The following CPAMD8 variants were observed in gnomAD, a reference collection of about 807,000 sequenced individuals.
CPAMD8 encodes C3 and PZP like alpha-2-macroglobulin domain containing 8.
CPAMD8 carries 146 observed loss-of-function variants against 224.7 expected under a neutral mutation model. The ratio of observed to expected loss-of-function variants is 0.65; its 90% CI spans 0.57 to 0.75. CPAMD8 has a LOEUF of 0.75. Ranked by LOEUF, CPAMD8 falls within the 30% of genes least tolerant of loss-of-function variation. The pLI, the probability that CPAMD8 is intolerant of heterozygous loss-of-function variation, is 0.00. For missense variants in CPAMD8, 2,301 were observed against 2,537.5 expected (o/e 0.91, Z 2.00); for synonymous variants, 966 against 1,044.6 (o/e 0.92, Z 1.45).
intron 19 of CPAMD8, among the ~76,000 whole-genome samples, chr19:16,953,780 T>C (rs1399494256): frequency 6.6e-6 from 1 of 151,564 alleles, no homozygotes; most frequent in Non-Finnish European, 1.5e-5. Flanking sequence ...TGAAACTCAA[T>C]AACAAAAACA....
chr19:16,968,708 A>G lies in CPAMD8; in HGVS notation c.2213+2183T>C, dbSNP rs546690176. On this transcript the variant is annotated intron_variant, in intron 18 of 41. Coordinates refer to ENST00000443236, the MANE Select transcript of CPAMD8 (RefSeq NM_015692.5). ...GGCTGGAGTGCAGTGGCACAATCAC[A>G]GCTCACTGCAGCCTCAACCTTCCCA... 2.6e-5 allele frequency among the ~76,000 whole-genome samples: 4 copies of G among 152,242 alleles called. No homozygotes were observed. The East Asian group carries it at 7.7e-4, about 29-fold the overall frequency.
intron 20 of CPAMD8, among the ~76,000 whole-genome samples, chr19:16,951,043 C>T (rs917219314): frequency 1.3e-5 from 2 of 152,146 alleles, no homozygotes; most frequent in African/African-American, 4.8e-5. Context: ...CTGCACACCT[C>T]TGGCAGACAC....
At chr19:16,956,667 G>A (rs993996948) in intron 19 of CPAMD8, among the ~76,000 whole-genome samples, 1 of 151,726 alleles carries the variant, frequency 6.6e-6, no homozygotes, top group Admixed American at 6.6e-5. Context: ...CCATCTCTAT[G>A]AAATATTTTT....
intron 27 of CPAMD8, among the ~76,000 whole-genome samples, chr19:16,918,396 A>G (rs1468916261): frequency 6.6e-6 from 1 of 152,020 alleles, no homozygotes; most frequent in Non-Finnish European, 1.5e-5. Context: ...CTCAGCATGC[A>G]GCAAATTCAA....
chr19:16,940,727 A>G (rs2053859553), intron 22 of CPAMD8, among the ~76,000 whole-genome samples: 1 of 152,120 alleles, frequency 6.6e-6, no homozygotes, highest in Non-Finnish European at 1.5e-5. Flanking sequence ...GGCTACATCG[A>G]GCCGTCCACC....
chr19:16,948,048 C>G (rs1039038729), intron 20 of CPAMD8, among the ~76,000 whole-genome samples: 4 of 151,970 alleles, frequency 2.6e-5, no homozygotes, highest in African/African-American at 9.7e-5. Flanking sequence ...ATACTGGTCT[C>G]TGTGTGCATG....
chr19:17,001,320 G>GAAAAAAA (rs1170361586), intron 9 of CPAMD8, among the ~76,000 whole-genome samples: 1 of 42,470 alleles, frequency 2.4e-5, no homozygotes. Flanking sequence ...GACTCCGTCT[G>GAAAAAAA]AAAAAAAAAA....
At chr19:16,978,259 C>T (rs1201435004) in intron 14 of CPAMD8, among the ~76,000 whole-genome samples, 3 of 152,082 alleles carry the variant, frequency 2.0e-5, no homozygotes, top group Admixed American at 6.6e-5. Context: ...CAAATCTTGG[C>T]TCTGGCCCCT....
intron 3 of CPAMD8, among the ~76,000 whole-genome samples, chr19:17,012,193 G>GT (rs1371991953): frequency 6.6e-6 from 1 of 151,792 alleles, no homozygotes; most frequent in Non-Finnish European, 1.5e-5. Context: ...TAATTTTTAT[G>GT]TTTTTAGTAG....
At chr19:17,000,299 T>A (rs2056268237) in intron 10 of CPAMD8, 115 bp downstream of exon 10, 2 of 599,798 alleles carry the variant, frequency 3.3e-6, no homozygotes, top group African/African-American at 3.7e-5. Context: ...ATTCAAAAAC[T>A]TTTTAAAGGC....
rs751434972 is a variant in CPAMD8, at chr19:16,970,936, T to C, written c.2168A>G (p.His723Arg). Residue 723 changes from histidine to arginine, a missense_variant, in exon 18 of 42, where the codon CAC becomes CGC. Around this residue, in one of 4 missense-constraint regions of CPAMD8, gnomAD observed 1,709 missense variants for 1,753.2 expected, o/e 0.97. Coordinates refer to ENST00000443236, the MANE Select transcript of CPAMD8 (RefSeq NM_015692.5). Reference protein sequence around the residue: ...TDEAVPAFQPHTGSLVAVAPS... With the variant: ...TDEAVPAFQPRTGSLVAVAPS... ...AGCCACTGCCACCAGGCTCCCTGTG[T>C]GGGGCTGGAAAGCGGGGACAGCCTC... The C allele has an allele frequency of 1.9e-6, 3 of 1,613,980 alleles. No individual in the cohort carries two copies. The highest frequency in any genetic ancestry group is 2.2e-5 in the South Asian group (2 of 91,064).
In CPAMD8 at chr19:16,991,900, G is replaced by A. The variant is rs114066172; in HGVS notation, c.1266+1516C>T. Reference sequence around the variant, plus strand: ...CAGTGGCCCAGGTGACCAAACAGCTGTGCTGTGTGTTGAGCAGCAGGTCCA... The same window carrying A: ...CAGTGGCCCAGGTGACCAAACAGCTATGCTGTGTGTTGAGCAGCAGGTCCA... On this transcript the variant is annotated intron_variant, in intron 12 of 41. Transcript: ENST00000443236. 1.9e-3 allele frequency among the ~76,000 whole-genome samples: 288 copies of A among 151,518 alleles called. 1 individual carries two copies. Among genetic ancestry groups the A allele is most frequent in the African/African-American group, 6.6e-3 (273 of 41,338 alleles).
In CPAMD8 at chr19:16,970,919, C is replaced by T. The variant is rs769386902; in HGVS notation, c.2185G>A (p.Ala729Thr). The part of the protein sequence containing the change: ...AFQPHTGSLV[A>T]VAPSRHPPRT... ...GGGGGGTGCCTGGAAGGAGCCACTGCCACCAGGCTCCCTGTGTGGGGCTGG... is the reference window on the plus strand; with the variant it reads ...GGGGGGTGCCTGGAAGGAGCCACTGTCACCAGGCTCCCTGTGTGGGGCTGG... Residue 729 changes from alanine to threonine, a missense_variant, in exon 18 of 42, where the codon GCA becomes ACA. By Grantham distance (58) the Ala-to-Thr change is moderately conservative. Around this residue, in one of 4 missense-constraint regions of CPAMD8, gnomAD observed 1,709 missense variants for 1,753.2 expected, o/e 0.97. Transcript: ENST00000443236. The T allele has an allele frequency of 6.2e-7, 1 of 1,613,810 alleles. No individual in the cohort carries two copies. Among genetic ancestry groups the T allele is most frequent in the South Asian group, 1.1e-5 (1 of 91,052 alleles).
At chr19:16,976,214 G>A (rs776217368) in intron 15 of CPAMD8, 63 bp from the exon 16 acceptor site, 78 of 1,406,880 alleles carry the variant, frequency 5.5e-5, no homozygotes, top group South Asian at 5.1e-4. Flanking sequence ...GGTGGCTCAC[G>A]CCTGTAATCC....
intron 20 of CPAMD8, among the ~76,000 whole-genome samples, chr19:16,951,102 G>T (rs935694224): frequency 9.9e-5 from 15 of 152,136 alleles, no homozygotes; most frequent in Admixed American, 3.9e-4. Flanking sequence ...AATGTTCTCA[G>T]TGTCTACTGA....
At chr19:17,004,490 C>T (rs950004417) in intron 7 of CPAMD8, 104 bp from the exon 8 acceptor site, 5 of 707,860 alleles carry the variant, frequency 7.1e-6, no homozygotes, top group African/African-American at 1.8e-5. Context: ...CCTGAGCAGC[C>T]CCCCAGGAGA....
intron 13 of CPAMD8, among the ~76,000 whole-genome samples, chr19:16,987,826 T>C (rs1460395959): frequency 6.6e-6 from 1 of 151,860 alleles, no homozygotes; most frequent in Non-Finnish European, 1.5e-5. Flanking sequence ...GGGGTTTTTT[T>C]GTTTTTGTTT....
At chr19:16,956,957 T>C (rs2054492314) in intron 19 of CPAMD8, among the ~76,000 whole-genome samples, 2 of 152,260 alleles carry the variant, frequency 1.3e-5, no homozygotes, top group South Asian at 2.1e-4. Flanking sequence ...TGAGCTACCA[T>C]GCCCAGCCCT....
rs1439334765 is a variant in CPAMD8 at position 16,949,438 on chromosome 19, TA to T, written c.2509-2212del. ...TCCTATTCCTCCCAACCATAATCCA[TA>T]TAAAAAGAACGGTAAAGGATGGATT... On this transcript the variant is annotated intron_variant, in intron 20 of 41. Coordinates refer to ENST00000443236, the MANE Select transcript of CPAMD8 (RefSeq NM_015692.5). Among the ~76,000 whole-genome samples, 6 of 152,116 alleles carry T rather than the reference TA, an allele frequency of 3.9e-5. No individual in the cohort carries two copies. The South Asian group carries it at 6.2e-4, about 16-fold the overall frequency.
Sources: allele counts gnomAD v4.1 joint callset (sites outside exome capture counted in the v4.1 genomes callset), GRCh38; gene constraint gnomAD v4.1.1; regional missense constraint gnomAD v4.1.1; transcripts MANE v1.5; gene names NCBI Gene and HGNC (gene_info 2026-07-23, HGNC 2026-07-21).